Variants in CHD9 observed in about 807,000 individuals in gnomAD.
CHD9 encodes chromodomain helicase DNA binding protein 9.
In CHD9, 77 loss-of-function variants were observed where a neutral mutation model predicts 316.1. The observed-to-expected ratio is 0.24, with a 90% CI of 0.20 to 0.29. CHD9 has a LOEUF of 0.29. Ranked by LOEUF, CHD9 falls within the 10% of genes least tolerant of loss-of-function variation. The probability of loss-of-function intolerance (pLI) is 1.00; values close to 1 mark genes in which losing one functional copy is unlikely to be tolerated. For missense variants in CHD9, 2,763 were observed against 3,438.1 expected (o/e 0.80, Z 4.91); for synonymous variants, 1,129 against 1,158.3 (o/e 0.97, Z 0.51).
chr16:53,139,142 C>T (rs2039921411), intron 1 of CHD9, among the ~76,000 whole-genome samples: 1 of 152,140 alleles, frequency 6.6e-6, no homozygotes. Context: ...AGATATAGTG[C>T]TTCCATCTGA....
At chr16:53,134,334 G>A (rs1416524344) in intron 1 of CHD9, among the ~76,000 whole-genome samples, 1 of 152,146 alleles carries the variant, frequency 6.6e-6, no homozygotes, top group Admixed American at 6.5e-5. Context: ...TCTTAACGTG[G>A]GATATAGATT....
rs781640813 is a variant in CHD9 at position 53,304,438 on chromosome 16, T to TTCCAGATCATCTTCTTCC, written c.6435_6452dup (p.Arg2146_Ser2151dup). 4.8e-5 allele frequency: 76 copies of TTCCAGATCATCTTCTTCC among 1,590,056 alleles called. No individual in the cohort carries two copies. The South Asian group carries it at 7.8e-4, about 16-fold the overall frequency. On this transcript the variant is annotated inframe_insertion, in exon 31 of 39. Coordinates refer to ENST00000447540, the MANE Select transcript of CHD9 (RefSeq NM_001308319.2). ...CAGATTCTGAGAGATCATCTTGTTC[T>TTCCAGATCATCTTCTTCC]TCCAGATCATCTTCTTCCTCATCAT... is the stretch of plus-strand genomic sequence containing the variant.
At chr16:53,247,615 A>ATGTGGGTTTTTTGTTTTGTTTTGTT (rs2049746823) in intron 16 of CHD9, 112 bp downstream of exon 16, 1 of 737,670 alleles carries the variant, frequency 1.4e-6, no homozygotes, top group African/African-American at 1.8e-5. Context: ...CTAGATTAGA[A>ATGTGGGTTTTTTGTTTTGTTTTGTT]TAATGCATTC....
intron 34 of CHD9, among the ~76,000 whole-genome samples, chr16:53,313,044 C>T (rs775401433): frequency 4.6e-5 from 7 of 152,098 alleles, no homozygotes; most frequent in South Asian, 2.1e-4. Flanking sequence ...TAGTACATAG[C>T]TGCTTAATAA....
intron 5 of CHD9, 31 bp downstream of exon 5, chr16:53,226,543 C>T: frequency 6.3e-7 from 1 of 1,577,756 alleles, no homozygotes; most frequent in Non-Finnish European, 8.5e-7. Context: ...GACTGCAAAA[C>T]ATTTTAAACC....
In CHD9 at chr16:53,123,714, C is replaced by G. The variant is rs1013128454; in HGVS notation, c.-164-32212C>G. On this transcript the variant is annotated intron_variant, in intron 1 of 38. Coordinates refer to ENST00000447540, the MANE Select transcript of CHD9 (RefSeq NM_001308319.2). The stretch of plus-strand genomic sequence containing the variant: ...ACAGGGTTTCACTATGTTGTCCATG[C>G]TGGTCTCGAACTCCTGACCTCAAGT... 3.3e-5 allele frequency among the ~76,000 whole-genome samples: 5 copies of G among 151,994 alleles called. No homozygotes were observed. The South Asian group carries it at 1.0e-3, about 32-fold the overall frequency.
At chr16:53,171,557 A>C (rs956733591) in intron 2 of CHD9, among the ~76,000 whole-genome samples, 4 of 152,202 alleles carry the variant, frequency 2.6e-5, no homozygotes, top group Admixed American at 6.5e-5. Context: ...ACAGTTTAGA[A>C]AGCCCAAAAG....
chr16:53,263,236 A>T (rs2051316688), intron 20 of CHD9, 139 bp downstream of exon 20: 1 of 576,594 alleles, frequency 1.7e-6, no homozygotes, highest in Non-Finnish European at 3.0e-6. Context: ...TAGCAGAATG[A>T]ACTGAGTGAG....
chr16:53,080,931 G>A (rs1340655074), intron 1 of CHD9, among the ~76,000 whole-genome samples: 8 of 152,210 alleles, frequency 5.3e-5, no homozygotes, highest in African/African-American at 1.9e-4. Context: ...TTTCAGGGAT[G>A]TCTGTCTGGT....
intron 1 of CHD9, among the ~76,000 whole-genome samples, chr16:53,099,535 AC>A (rs2036659175): frequency 6.6e-6 from 1 of 151,652 alleles, no homozygotes; most frequent in Non-Finnish European, 1.5e-5. Context: ...TTTGTGTTCC[AC>A]CTTAGATAGG....
At chr16:53,268,385 A>C (rs1318303414) in intron 22 of CHD9, among the ~76,000 whole-genome samples, 1 of 152,180 alleles carries the variant, frequency 6.6e-6, no homozygotes, top group Non-Finnish European at 1.5e-5. Flanking sequence ...ATGCTCAGAT[A>C]GATCTATCTC....
chr16:53,106,234 A>T (rs1430018896), intron 1 of CHD9, among the ~76,000 whole-genome samples: 2 of 152,218 alleles, frequency 1.3e-5, no homozygotes, highest in African/African-American at 4.8e-5. Flanking sequence ...CAAATGGCAT[A>T]TGCGTTGCCA....
intron 1 of CHD9, among the ~76,000 whole-genome samples, chr16:53,079,113 G>C (rs989955912): frequency 6.6e-6 from 1 of 152,152 alleles, no homozygotes; most frequent in Admixed American, 6.5e-5. Flanking sequence ...ACATACAGGA[G>C]CCTTGGAGTA....
At chr16:53,295,888 C>G (rs2054739145) in intron 29 of CHD9, among the ~76,000 whole-genome samples, 1 of 152,156 alleles carries the variant, frequency 6.6e-6, no homozygotes, top group Non-Finnish European at 1.5e-5. Flanking sequence ...ATTATATTAC[C>G]ATCTCAAAGC....
intron 2 of CHD9, among the ~76,000 whole-genome samples, chr16:53,198,177 A>G (rs749086011): frequency 1.2e-4 from 18 of 152,078 alleles, no homozygotes; most frequent in Non-Finnish European, 2.5e-4. Flanking sequence ...GCTGATGAAG[A>G]GTATTATTAA....
At chr16:53,120,936 T>C (rs1196345740) in intron 1 of CHD9, among the ~76,000 whole-genome samples, 1 of 151,382 alleles carries the variant, frequency 6.6e-6, no homozygotes, top group Non-Finnish European at 1.5e-5. Flanking sequence ...AACATGGAAG[T>C]TGGAGGCTGC....
chr16:53,218,126 TAGA>T (rs2046936858), intron 3 of CHD9, among the ~76,000 whole-genome samples: 2 of 152,110 alleles, frequency 1.3e-5, no homozygotes, highest in African/African-American at 2.4e-5. Flanking sequence ...ATTTTGGATT[TAGA>T]AGGTTTAGTA....
At chr16:53,176,913 A>G (rs572874168) in intron 2 of CHD9, among the ~76,000 whole-genome samples, 1 of 152,298 alleles carries the variant, frequency 6.6e-6, no homozygotes, top group South Asian at 2.1e-4. Context: ...TTATCCTCAC[A>G]ACAATCCAAT....
chr16:53,244,223 C>T (rs1049278916), intron 13 of CHD9, among the ~76,000 whole-genome samples: 4 of 139,578 alleles, frequency 2.9e-5, no homozygotes, highest in East Asian at 2.1e-4. Flanking sequence ...GACTGAGTCT[C>T]ACTCTGTTGC....
Sources: gnomAD v4.1 joint callset for allele counts (sites outside exome capture counted in the v4.1 genomes callset) on GRCh38, gnomAD v4.1.1 for gene constraint, MANE v1.5 for transcripts, NCBI Gene and HGNC (gene_info 2026-07-23, HGNC 2026-07-21) for gene names.